RIMBP2: variants seen among roughly 807,000 people sequenced by gnomAD.
RIMBP2 encodes RIMS binding protein 2.
RIMBP2 carries 48 observed loss-of-function variants against 118.6 expected under a neutral mutation model. The ratio of observed to expected loss-of-function variants is 0.40; its 90% CI spans 0.32 to 0.51. The LOEUF is 0.51. RIMBP2 is among the 20% of genes least tolerant of loss of function. The pLI, the probability that RIMBP2 is intolerant of heterozygous loss-of-function variation, is 0.41. For synonymous variants in RIMBP2, 762 were observed against 742.9 expected, an observed-to-expected ratio of 1.03 and a Z score of -0.42; for missense variants, 1,551 against 1,768.3, an observed-to-expected ratio of 0.88 and a Z score of 2.20.
chr12:130,491,887 G>A (rs2048678377), intron 4 of RIMBP2, among the ~76,000 whole-genome samples: 1 of 152,240 alleles, frequency 6.6e-6, no homozygotes, highest in South Asian at 2.1e-4. Context: ...ATAGCTGACT[G>A]TCGACATTCA....
At chr12:130,607,558 C>T (rs1350286048) in intron 2 of RIMBP2, among the ~76,000 whole-genome samples, 1 of 151,970 alleles carries the variant, frequency 6.6e-6, no homozygotes, top group Non-Finnish European at 1.5e-5. Flanking sequence ...GTGCTTTGAT[C>T]ATCTCCTGTG....
intron 3 of RIMBP2, among the ~76,000 whole-genome samples, chr12:130,515,889 G>T (rs1435206040): frequency 2.0e-5 from 3 of 151,974 alleles, no homozygotes; most frequent in Non-Finnish European, 2.9e-5. Context: ...GTAGAGATGG[G>T]GTTTTGCCAT....
rs1384369320 is a variant in RIMBP2, at chr12:130,623,084, G to A, written c.-217+5238C>T. ...TGTAGTGTACAAAATCAGGTTGCTGGGCTACTTACACAAATACATATAAAA... is the reference window on the plus strand; with the variant it reads ...TGTAGTGTACAAAATCAGGTTGCTGAGCTACTTACACAAATACATATAAAA... On this transcript the variant is annotated intron_variant, in intron 2 of 22. Coordinates refer to ENST00000690449, the MANE Select transcript of RIMBP2 (RefSeq NM_001393629.1). This position sits in a 1 kb window ranked among gnomAD's most constrained non-coding sequence, Gnocchi z 4.1. Among the ~76,000 whole-genome samples, 1 of 152,024 alleles carries A rather than the reference G, an allele frequency of 6.6e-6. No homozygotes were observed. The highest frequency in any genetic ancestry group is 6.6e-5 in the Admixed American group (1 of 15,264).
intron 2 of RIMBP2, among the ~76,000 whole-genome samples, chr12:130,535,732 T>TATATATACACATATAC (rs1566217884): frequency 0.056 from 1,095 of 19,468 alleles, 22 homozygotes; most frequent in African/African-American, 0.088. Context: ...TATATACATA[T>TATATATACACATATAC]ATATACATAT....
rs376440923 is a variant in RIMBP2 at position 130,703,275 on chromosome 12, G to A, written c.-352+12947C>T. ...GTGCACCCCGATTAACCTCCAGGCG[G>A]GCTCCCCCTCCGCCCTGGACATTTT... On this transcript the variant is annotated intron_variant, in intron 1 of 22. Transcript: ENST00000690449. This position sits in a 1 kb window ranked among gnomAD's most constrained non-coding sequence, Gnocchi z 5.7. Among the ~76,000 whole-genome samples the A allele has an allele frequency of 2.6e-5, 4 of 152,068 alleles. No homozygotes were observed. In the East Asian group the frequency reaches 7.7e-4, roughly 29 times the overall value.
intron 4 of RIMBP2, among the ~76,000 whole-genome samples, chr12:130,484,339 T>C (rs2082301966): frequency 6.6e-6 from 1 of 152,216 alleles, no homozygotes; most frequent in South Asian, 2.1e-4. Flanking sequence ...TGCCCGCCTC[T>C]GGACCTTCAC....
At chr12:130,438,645 A>T in intron 11 of RIMBP2, 129 bp from the exon 12 acceptor site, 1 of 415,648 alleles carries the variant, frequency 2.4e-6, no homozygotes, top group African/African-American at 2.3e-5. Context: ...AAGAGAAGAC[A>T]GTGTTGAAAG....
chr12:130,500,261 C>A (rs995663361), intron 4 of RIMBP2, among the ~76,000 whole-genome samples: 1 of 152,146 alleles, frequency 6.6e-6, no homozygotes, highest in African/African-American at 2.4e-5. Flanking sequence ...AGTTCGAGAC[C>A]AGCCTGACCA....
At chr12:130,575,287 A>T (rs1264348665) in intron 2 of RIMBP2, among the ~76,000 whole-genome samples, 1 of 147,982 alleles carries the variant, frequency 6.8e-6, no homozygotes, top group Non-Finnish European at 1.5e-5. Context: ...CCTGAGGAAC[A>T]ACAGTGAACA....
chr12:130,446,475 C>A lies in RIMBP2; in HGVS notation c.582-1206G>T, dbSNP rs144489877. On this transcript the variant is annotated intron_variant, in intron 9 of 22. Coordinates refer to ENST00000690449, the MANE Select transcript of RIMBP2 (RefSeq NM_001393629.1). This position sits in a 1 kb window ranked among gnomAD's most constrained non-coding sequence, Gnocchi z 4.1. ...AGCTGAGACCTCCTGACCCGTCCTG[C>A]GCAGTTTTAACCACACCAGGTCACG... is the stretch of plus-strand genomic sequence containing the variant. Among the ~76,000 whole-genome samples the A allele has an allele frequency of 6.6e-6, 1 of 152,194 alleles. No homozygotes were observed. The highest frequency in any genetic ancestry group is 2.4e-5 in the African/African-American group (1 of 41,442).
rs1398237121 is a variant in RIMBP2, at chr12:130,436,890, G to A, written c.2058C>T (p.Ala686=). Residue 686 remains alanine (A), a synonymous_variant, in exon 13 of 23, where the codon GCC becomes GCT. Coordinates refer to ENST00000690449, the MANE Select transcript of RIMBP2 (RefSeq NM_001393629.1). ...PQGTPVSTTV[A]KAMAREAAQR... ...GCGCGGCCTCCCGGGCCATGGCCTT[G>A]GCGACGGTGGTGGACACCGGGGTGC... 1.3e-5 allele frequency: 21 copies of A among 1,584,344 alleles called. No individual in the cohort carries two copies. Among genetic ancestry groups the A allele is most frequent in the Non-Finnish European group, 1.7e-5 (20 of 1,166,958 alleles).
In RIMBP2 at chr12:130,707,269, G is replaced by A. The variant is rs917416717; in HGVS notation, c.-352+8953C>T. On this transcript the variant is annotated intron_variant, in intron 1 of 22. Coordinates refer to ENST00000690449, the MANE Select transcript of RIMBP2 (RefSeq NM_001393629.1). Reference sequence around the variant, plus strand: ...GCTGGCATAGGTACGCAGAGGATTCGTGCCCTCACAGAATGGAACGGTGCC... The same window carrying A: ...GCTGGCATAGGTACGCAGAGGATTCATGCCCTCACAGAATGGAACGGTGCC... Among the ~76,000 whole-genome samples, 5 of 152,280 alleles carry A rather than the reference G, an allele frequency of 3.3e-5. No homozygotes were observed. The South Asian group carries it at 6.2e-4, about 19-fold the overall frequency.
At chr12:130,438,335 A>AGGC in intron 12 of RIMBP2, 30 bp downstream of exon 12, 2 of 865,010 alleles carry the variant, frequency 2.3e-6, no homozygotes, top group Non-Finnish European at 1.9e-6. Context: ...GGCCTAACAA[A>AGGC]CCCTCCCCAC....
At chr12:130,686,788 G>A (rs1244937228) in intron 1 of RIMBP2, among the ~76,000 whole-genome samples, 1 of 152,234 alleles carries the variant, frequency 6.6e-6, no homozygotes, top group African/African-American at 2.4e-5. Flanking sequence ...GATGGCTGCA[G>A]GGCCGGAGGA....
chr12:130,491,621 G>T (rs566837804), intron 4 of RIMBP2, among the ~76,000 whole-genome samples: 1 of 152,150 alleles, frequency 6.6e-6, no homozygotes, highest in Admixed American at 6.5e-5. Flanking sequence ...GGAGTCTCTC[G>T]GTTCCTGGGA....
chr12:130,441,460 G>A (rs1313968324), intron 11 of RIMBP2, among the ~76,000 whole-genome samples: 2 of 141,144 alleles, frequency 1.4e-5, no homozygotes, highest in East Asian at 2.1e-4. Flanking sequence ...TTACAAGGAC[G>A]AGAAAGAAGG....
At chr12:130,438,335 A>ACCGGGGGGGCCCCCCCCCCCC in intron 12 of RIMBP2, 30 bp downstream of exon 12, 1 of 865,014 alleles carries the variant, frequency 1.2e-6, no homozygotes. Context: ...GGCCTAACAA[A>ACCGGGGGGGCCCCCCCCCCCC]CCCTCCCCAC....
chr12:130,522,118 C>CT (rs750006736), intron 2 of RIMBP2, among the ~76,000 whole-genome samples: 28 of 152,360 alleles, frequency 1.8e-4, no homozygotes, highest in Non-Finnish European at 3.4e-4. Flanking sequence ...CCTCCCAGGG[C>CT]AGCTACAGAA....
At position 130,525,703 on chromosome 12, in the gene RIMBP2, A is replaced by G. The variant is rs1046666188; in HGVS notation, c.-216-7786T>C. On this transcript the variant is annotated intron_variant, in intron 2 of 22. Transcript: ENST00000690449. This position sits in a 1 kb window ranked among gnomAD's most constrained non-coding sequence, Gnocchi z 4.4. ...CTTGGGGATGAGATCGTATGGGGGGAGATGACCCAAGGGGCTCATGTTGGA... is the reference window on the plus strand; with the variant it reads ...CTTGGGGATGAGATCGTATGGGGGGGGATGACCCAAGGGGCTCATGTTGGA... Among the ~76,000 whole-genome samples the G allele has an allele frequency of 4.6e-5, 7 of 152,000 alleles. No individual in the cohort carries two copies. Among genetic ancestry groups the G allele is most frequent in the African/African-American group, 1.7e-4 (7 of 41,370 alleles).
Sources: gnomAD v4.1 joint callset for allele counts (sites outside exome capture counted in the v4.1 genomes callset) on GRCh38, gnomAD v4.1.1 for gene constraint, Gnocchi (gnomAD v3.1) non-coding constraint, MANE v1.5 for transcripts, NCBI Gene and HGNC (gene_info 2026-07-23, HGNC 2026-07-21) for gene names.